The following EBF3 variants were observed in gnomAD, a reference collection of about 807,000 sequenced individuals.
The protein encoded by EBF3 is EBF transcription factor 3, also known as transcription factor COE3.
Under a neutral mutation model 77.1 loss-of-function variants are expected in EBF3, and 18 were observed. The ratio of observed to expected loss-of-function variants is 0.23; its 90% CI spans 0.16 to 0.35. The LOEUF is 0.35. EBF3 is among the 10% of genes least tolerant of loss of function. The pLI is 1.00. For synonymous variants in EBF3, 350 were observed against 343.5 expected (o/e 1.02, Z -0.21); for missense variants, 558 against 860.0 (o/e 0.65, Z 4.39).
intron 6 of EBF3, among the ~76,000 whole-genome samples, chr10:129,884,491 T>C (rs915856665): frequency 1.3e-5 from 2 of 152,234 alleles, no homozygotes; most frequent in African/African-American, 4.8e-5. Context: ...GTCTGATTTA[T>C]TCTTCAAATA....
rs151304778 is a variant in EBF3 at position 129,945,683 on chromosome 10, C to T, written c.554+11575G>A. Among the ~76,000 whole-genome samples the T allele has an allele frequency of 3.4e-3, 521 of 152,260 alleles. 2 individuals carry two copies. The highest frequency in any genetic ancestry group is 6.5e-3 in the Non-Finnish European group (441 of 68,028). On this transcript the variant is annotated intron_variant, in intron 6 of 16. Transcript: ENST00000440978. ...TCCAATCTGCGATCAATTCATCATC[C>T]GACACCATTGTACATTCTTCACAAA...
In EBF3 at chr10:129,837,694, A is replaced by AAAAT; in HGVS notation, c.*245_*248dup. The stretch of plus-strand genomic sequence containing the variant: ...TTATTCTTCAGGACTGAGAAATGTG[A>AAAAT]AAATATGAGAAAAGTTCAGTCAATA... On this transcript the variant is annotated 3_prime_UTR_variant, in exon 17 of 17. Transcript: ENST00000440978. The AAAAT allele has an allele frequency of 1.8e-6, 1 of 541,170 alleles. No homozygotes were observed. The highest frequency in any genetic ancestry group is 2.4e-5 in the South Asian group (1 of 41,196). The allele number at this position is 541,170 out of a possible 1,614,324, so 33.5% of individuals were successfully genotyped here.
intron 6 of EBF3, among the ~76,000 whole-genome samples, chr10:129,888,528 C>A (rs1426318413): frequency 2.0e-5 from 3 of 152,236 alleles, no homozygotes; most frequent in African/African-American, 4.8e-5. Context: ...GCTACTGATA[C>A]CTGCGCTTTT....
At chr10:129,892,016 T>C (rs1205602762) in intron 6 of EBF3, among the ~76,000 whole-genome samples, 1 of 152,176 alleles carries the variant, frequency 6.6e-6, no homozygotes, top group Non-Finnish European at 1.5e-5. Flanking sequence ...TTAAGGGAGA[T>C]TGATGGGCCC....
At chr10:129,905,591 C>T (rs1159575031) in intron 6 of EBF3, among the ~76,000 whole-genome samples, 1 of 152,110 alleles carries the variant, frequency 6.6e-6, no homozygotes, top group Non-Finnish European at 1.5e-5. Flanking sequence ...TACCTGGCCT[C>T]CCCACTCCAT....
intron 4 of EBF3, among the ~76,000 whole-genome samples, chr10:129,959,401 C>T (rs1036463450): frequency 1.3e-5 from 2 of 152,124 alleles, no homozygotes; most frequent in African/African-American, 4.8e-5. Context: ...GCGCCGCCGC[C>T]AGGCCGCGTC....
chr10:129,927,168 G>C (rs1020831030), intron 6 of EBF3, among the ~76,000 whole-genome samples: 69 of 152,154 alleles, frequency 4.5e-4, no homozygotes, highest in African/African-American at 1.5e-3. Flanking sequence ...CGGGCGATGG[G>C]GACAAATAAA....
In EBF3 at chr10:129,960,320, G is replaced by A. The variant is rs1056090451; in HGVS notation, c.412-1313C>T. On this transcript the variant is annotated intron_variant, in intron 4 of 16. Transcript: ENST00000440978. ...TTCCAGGCGGACAAAGCCCTTTCTG[G>A]TGAAAGCCCGGGGCTGCCCTCCTGG... Among the ~76,000 whole-genome samples, 3 of 152,082 alleles carry A rather than the reference G, an allele frequency of 2.0e-5. No individual in the cohort carries two copies. In the East Asian group the frequency reaches 5.8e-4, roughly 30 times the overall value.
chr10:129,906,426 A>G (rs1268430497), intron 6 of EBF3, among the ~76,000 whole-genome samples: 3 of 152,098 alleles, frequency 2.0e-5, no homozygotes, highest in Non-Finnish European at 4.4e-5. Flanking sequence ...CTAACTTTGA[A>G]TTTCCGCGCC....
At chr10:129,840,706 AT>A in intron 14 of EBF3, 137 bp downstream of exon 14, 1 of 1,310,678 alleles carries the variant, frequency 7.6e-7, no homozygotes, top group Middle Eastern at 2.6e-4. Context: ...TACGGTCGCC[AT>A]TTGGACGCCC....
intron 6 of EBF3, among the ~76,000 whole-genome samples, chr10:129,926,491 G>A (rs1029219845): frequency 3.3e-5 from 5 of 152,084 alleles, no homozygotes; most frequent in Admixed American, 6.5e-5. Flanking sequence ...GACAATCCGC[G>A]GTGCATGGAC....
chr10:129,964,261 T>C lies in EBF3; in HGVS notation c.-493A>G. The C allele has an allele frequency of 1.0e-6, 1 of 984,502 alleles. No homozygotes were observed. Among genetic ancestry groups the C allele is most frequent in the Non-Finnish European group, 1.2e-6 (1 of 829,750 alleles). 61.0% of individuals were successfully genotyped at this position (984,502 alleles called of 1,614,324 possible). ...CGGAGGCGCACAAAACTCAGCCCTC[T>C]CTCCCCGAGGAATGGACCCTTTCCC... On this transcript the variant is annotated 5_prime_UTR_variant, in exon 1 of 17. Coordinates refer to ENST00000440978, the MANE Select transcript of EBF3 (RefSeq NM_001375380.1). The surrounding 1 kb of genome is among the most constrained non-coding windows in gnomAD (Gnocchi z 4.5).
chr10:129,939,593 G>C (rs1335129549), intron 6 of EBF3, among the ~76,000 whole-genome samples: 1 of 152,188 alleles, frequency 6.6e-6, no homozygotes, highest in Non-Finnish European at 1.5e-5. Flanking sequence ...TCAAACGACA[G>C]CTGCCCACTC....
At chr10:129,874,543 G>C (rs1396348598) in intron 7 of EBF3, among the ~76,000 whole-genome samples, 1 of 152,188 alleles carries the variant, frequency 6.6e-6, no homozygotes, top group Non-Finnish European at 1.5e-5. Context: ...ATTCATCCCG[G>C]ACTAGCTGGA....
At chr10:129,917,679 A>AAAAAAAAAAAAAAAC (rs1564887155) in intron 6 of EBF3, among the ~76,000 whole-genome samples, 1 of 142,084 alleles carries the variant, frequency 7.0e-6, no homozygotes. Context: ...AAAAAAAAAA[A>AAAAAAAAAAAAAAAC]CTAAAACCAA....
At chr10:129,926,174 T>C (rs1369456494) in intron 6 of EBF3, among the ~76,000 whole-genome samples, 2 of 151,672 alleles carry the variant, frequency 1.3e-5, no homozygotes. Context: ...CATTCATTCA[T>C]TCATTCATTC....
At position 129,963,473 on chromosome 10, in the gene EBF3, A is replaced by G; in HGVS notation, c.185T>C (p.Leu62Pro). 1 of 1,585,910 alleles carries G rather than the reference A, an allele frequency of 6.3e-7. No individual in the cohort carries two copies. Among genetic ancestry groups the G allele is most frequent in the African/African-American group, 1.4e-5 (1 of 72,432 alleles). ...AHFEKQPPSN[L>P]RKSNFFHFVL... The stretch of plus-strand genomic sequence containing the variant: ...GAAGTGGAAGAAATTGGATTTCCGG[A>G]GGTTGGAAGGCGGCTGCTTCTCGAA... Residue 62 changes from leucine to proline, a missense_variant, in exon 2 of 17, where the codon CTC (leucine) becomes CCC (proline). This residue lies in a region of EBF3 where 84 missense variants were observed against 142.3 expected (regional missense o/e 0.59). Transcript: ENST00000440978. The surrounding 1 kb of genome is among the most constrained non-coding windows in gnomAD (Gnocchi z 7.1).
chr10:129,882,511 C>T (rs1853277637), intron 6 of EBF3, among the ~76,000 whole-genome samples: 1 of 152,224 alleles, frequency 6.6e-6, no homozygotes, highest in Non-Finnish European at 1.5e-5. Flanking sequence ...GCGGTCCTGA[C>T]AGGCCATGGG....
chr10:129,843,316 C>T (rs763592494), intron 11 of EBF3, 114 bp from the exon 12 acceptor site: 4 of 1,095,518 alleles, frequency 3.7e-6, no homozygotes, highest in South Asian at 1.5e-5. Flanking sequence ...CACAGCGACC[C>T]GTCCTGGCCC....
Sources: allele counts gnomAD v4.1 joint callset (sites outside exome capture counted in the v4.1 genomes callset), GRCh38; gene constraint gnomAD v4.1.1; regional missense constraint gnomAD v4.1.1; non-coding constraint Gnocchi (gnomAD v3.1); transcripts MANE v1.5; gene names NCBI Gene and HGNC (gene_info 2026-07-23, HGNC 2026-07-21).